The following RGS6 variants were observed in gnomAD, a reference collection of about 807,000 sequenced individuals.
RGS6 encodes regulator of G-protein signaling 6.
In RGS6, 30 loss-of-function variants were observed where a neutral mutation model predicts 78.5. The ratio of observed to expected loss-of-function variants is 0.38; its 90% CI spans 0.29 to 0.52. The LOEUF (loss-of-function observed/expected upper bound fraction) is 0.52, where lower values mean the gene tolerates loss of function less well. Ranked by LOEUF, RGS6 falls within the 20% of genes least tolerant of loss-of-function variation. The probability of loss-of-function intolerance (pLI) is 0.85; values close to 1 mark genes in which losing one functional copy is unlikely to be tolerated. For synonymous variants in RGS6, 206 were observed against 206.0 expected (o/e 1.00, Z 0.00); for missense variants, 495 against 609.7 (o/e 0.81, Z 1.98).
chr14:72,457,245 A>C (rs1048526914), intron 4 of RGS6, among the ~76,000 whole-genome samples: 2 of 152,240 alleles, frequency 1.3e-5, no homozygotes, highest in Non-Finnish European at 2.9e-5. Flanking sequence ...CAACTTCTTG[A>C]AAAGTTTGCA....
chr14:72,569,495 C>A (rs2097717776), downstream of RGS6, among the ~76,000 whole-genome samples: 1 of 152,180 alleles, frequency 6.6e-6, no homozygotes, highest in African/African-American at 2.4e-5. Context: ...GCCTGGTCAA[C>A]ATGGTGAAAC....
chr14:71,968,320 TC>T (rs2093633169), intron 2 of RGS6, among the ~76,000 whole-genome samples: 2 of 152,186 alleles, frequency 1.3e-5, no homozygotes, highest in Non-Finnish European at 2.9e-5. Context: ...TTCAAGATGT[TC>T]TCAGGAAAAT....
intron 2 of RGS6, among the ~76,000 whole-genome samples, chr14:72,086,791 A>G (rs2095057874): frequency 6.6e-6 from 1 of 152,190 alleles, no homozygotes; most frequent in South Asian, 2.1e-4. Context: ...GTGGCTGGAA[A>G]CCTAAAGATC....
intron 15 of RGS6, among the ~76,000 whole-genome samples, chr14:72,526,163 G>A (rs2097114544): frequency 6.6e-6 from 1 of 151,750 alleles, no homozygotes; most frequent in South Asian, 2.1e-4. Flanking sequence ...GTGTGTGGTG[G>A]CACAATCTCG....
intron 2 of RGS6, among the ~76,000 whole-genome samples, chr14:72,296,007 A>T (rs80071159): frequency 6.8e-4 from 104 of 152,320 alleles, no homozygotes; most frequent in African/African-American, 2.5e-3. Context: ...AAGTTCTCTT[A>T]TTCCCCTTCC....
At chr14:71,889,389 G>C in the RGS6 span, among the ~76,000 whole-genome samples, 1 of 152,156 alleles carries the variant, frequency 6.6e-6, no homozygotes, top group African/African-American at 2.4e-5. Flanking sequence ...ATCTTAAATT[G>C]TGAATATTCT....
chr14:72,452,370 G>A (rs1163143892), intron 3 of RGS6, among the ~76,000 whole-genome samples: 1 of 152,158 alleles, frequency 6.6e-6, no homozygotes, highest in Non-Finnish European at 1.5e-5. Flanking sequence ...TTGGCGCGGG[G>A]AAACTGCAAA....
chr14:72,122,229 G>A (rs984545594), intron 2 of RGS6, among the ~76,000 whole-genome samples: 1 of 152,138 alleles, frequency 6.6e-6, no homozygotes, highest in African/African-American at 2.4e-5. Context: ...GAGATGAGGT[G>A]TATCTGACTG....
intron 3 of RGS6, among the ~76,000 whole-genome samples, chr14:72,369,443 T>C (rs937914232): frequency 3.9e-5 from 6 of 152,206 alleles, no homozygotes; most frequent in African/African-American, 1.4e-4. Context: ...AAATTTCTCT[T>C]GTTTTAAGCC....
chr14:72,090,583 T>C (rs2095234592), intron 2 of RGS6, among the ~76,000 whole-genome samples: 1 of 152,180 alleles, frequency 6.6e-6, no homozygotes, highest in East Asian at 1.9e-4. Context: ...CAAAATGGTC[T>C]CTCCCGACTC....
At chr14:72,550,824 GTTTTGGTTTGGT>G (rs1224691711) in intron 17 of RGS6, 1 of 490,760 alleles carries the variant, frequency 2.0e-6, no homozygotes, top group Non-Finnish European at 3.3e-6. Context: ...TTTTGTTGTT[GTTTTGGTTTGGT>G]TTTTGGGGGG....
chr14:72,467,586 C>A (rs1182503351), intron 7 of RGS6, among the ~76,000 whole-genome samples: 1 of 152,170 alleles, frequency 6.6e-6, no homozygotes. Flanking sequence ...TGTGCATGGT[C>A]CTTCACCTCT....
At chr14:72,544,106 A>G (rs547937444) in intron 17 of RGS6, among the ~76,000 whole-genome samples, 1 of 152,250 alleles carries the variant, frequency 6.6e-6, no homozygotes, top group Non-Finnish European at 1.5e-5. Flanking sequence ...GCCTCACCAA[A>G]GAGGGCCTGG....
At chr14:72,453,496 G>A (rs2095548041) in intron 3 of RGS6, among the ~76,000 whole-genome samples, 1 of 146,366 alleles carries the variant, frequency 6.8e-6, no homozygotes, top group Non-Finnish European at 1.5e-5. Flanking sequence ...GGCGCCTGTA[G>A]TCCCAGCTAC....
intron 2 of RGS6, among the ~76,000 whole-genome samples, chr14:72,291,198 C>T (rs934838290): frequency 2.6e-5 from 4 of 151,990 alleles, no homozygotes; most frequent in Non-Finnish European, 4.4e-5. Context: ...GACCTCTCTG[C>T]GTCCGTCTCC....
rs1567038170 is a variant in RGS6 at position 72,518,684 on chromosome 14, T to C, written c.1278+147T>C. The C allele has an allele frequency of 1.2e-5, 9 of 739,378 alleles. No individual in the cohort carries two copies. The Admixed American group carries it at 2.6e-4, about 21-fold the overall frequency. 45.8% of individuals were successfully genotyped at this position (739,378 alleles called of 1,614,324 possible). ...GTTCATCAGTGGAAACCATTTCAGA[T>C]AGGCGCACAGCAAAATCCCAGGATC... On this transcript the variant is annotated intron_variant, in intron 15 of 17. Transcript: ENST00000553525.
At chr14:72,313,865 T>C (rs1185592234) in intron 2 of RGS6, among the ~76,000 whole-genome samples, 1 of 152,232 alleles carries the variant, frequency 6.6e-6, no homozygotes, top group African/African-American at 2.4e-5. Context: ...TTTGCTGCCA[T>C]GTATCTAAGC....
chr14:72,007,725 C>G (rs1469591821), intron 2 of RGS6, among the ~76,000 whole-genome samples: 1 of 152,084 alleles, frequency 6.6e-6, no homozygotes. Context: ...CAGTAGTGCT[C>G]CCTGGAAGCT....
chr14:72,293,938 A>AC (rs1263858022), intron 2 of RGS6, among the ~76,000 whole-genome samples: 2 of 152,210 alleles, frequency 1.3e-5, no homozygotes, highest in Non-Finnish European at 2.9e-5. Flanking sequence ...AATTTGGCCC[A>AC]CAGACCCTCG....
Sources: allele counts gnomAD v4.1 joint callset (sites outside exome capture counted in the v4.1 genomes callset), GRCh38; gene constraint gnomAD v4.1.1; transcripts MANE v1.5; gene names NCBI Gene and HGNC (gene_info 2026-07-23, HGNC 2026-07-21).